The following FNBP1L variants were observed in gnomAD, a reference collection of about 807,000 sequenced individuals.
The protein encoded by FNBP1L is formin-binding protein 1-like.
A neutral mutation model predicts 91.2 loss-of-function variants in FNBP1L; 36 were observed. The observed-to-expected ratio is 0.39, with a 90% CI of 0.30 to 0.52. The LOEUF is 0.52. Ranked by LOEUF, FNBP1L falls within the 20% of genes least tolerant of loss-of-function variation. The pLI, the probability that FNBP1L is intolerant of heterozygous loss-of-function variation, is 0.66. For missense variants in FNBP1L, 571 were observed against 732.1 expected (o/e 0.78, Z 2.54); for synonymous variants, 242 against 237.0 (o/e 1.02, Z -0.19).
At chr1:93,478,189 G>A (rs1669561955) in intron 1 of FNBP1L, among the ~76,000 whole-genome samples, 1 of 152,204 alleles carries the variant, frequency 6.6e-6, no homozygotes, top group Admixed American at 6.5e-5. Context: ...ATTGAAGTGA[G>A]GCTCAGCATG....
At chr1:93,523,913 G>A (rs1310017879) in intron 4 of FNBP1L, among the ~76,000 whole-genome samples, 1 of 152,178 alleles carries the variant, frequency 6.6e-6, no homozygotes, top group Non-Finnish European at 1.5e-5. Context: ...GCAGAGTTGA[G>A]TGTCACAGAG....
At chr1:93,515,526 T>C (rs371686392) in intron 2 of FNBP1L, among the ~76,000 whole-genome samples, 9 of 152,146 alleles carry the variant, frequency 5.9e-5, no homozygotes, top group African/African-American at 2.2e-4. Context: ...AAATGTCCAA[T>C]AATGATAGAC....
At chr1:93,485,799 C>T (rs749533625) in intron 1 of FNBP1L, among the ~76,000 whole-genome samples, 5 of 152,152 alleles carry the variant, frequency 3.3e-5, no homozygotes, top group Non-Finnish European at 5.9e-5. Context: ...CGGGTTCAAA[C>T]GATTCTCCTG....
chr1:93,496,941 C>A (rs1438632712), intron 1 of FNBP1L, among the ~76,000 whole-genome samples: 1 of 152,180 alleles, frequency 6.6e-6, no homozygotes, highest in African/African-American at 2.4e-5. Context: ...TAAAATTAAT[C>A]ATCACAATTA....
intron 2 of FNBP1L, among the ~76,000 whole-genome samples, chr1:93,516,607 G>C (rs1428855759): frequency 1.3e-5 from 2 of 151,984 alleles, no homozygotes; most frequent in Non-Finnish European, 2.9e-5. Flanking sequence ...GTTTGAGATC[G>C]GCCTGACTGA....
chr1:93,515,517 A>G (rs539660688), intron 2 of FNBP1L, among the ~76,000 whole-genome samples: 17 of 152,240 alleles, frequency 1.1e-4, no homozygotes, highest in Non-Finnish European at 1.9e-4. Context: ...AACCAACCCA[A>G]ATGTCCAATA....
chr1:93,479,054 A>C (rs1669597014), intron 1 of FNBP1L, among the ~76,000 whole-genome samples: 1 of 152,224 alleles, frequency 6.6e-6, no homozygotes, highest in Non-Finnish European at 1.5e-5. Context: ...CCAATATTTC[A>C]ACGTAGGTTC....
chr1:93,541,864 A>G (rs373468448), intron 11 of FNBP1L, among the ~76,000 whole-genome samples: 6 of 152,288 alleles, frequency 3.9e-5, no homozygotes, highest in South Asian at 2.1e-4. Context: ...TAGAGTTCCA[A>G]TGTCAAATGG....
At chr1:93,523,226 A>G (rs754736509) in intron 3 of FNBP1L, 118 bp from the exon 4 acceptor site, 23 of 951,390 alleles carry the variant, frequency 2.4e-5, no homozygotes, top group Non-Finnish European at 3.3e-5. Flanking sequence ...TAGAACTAGT[A>G]GCTGAGATTT....
At chr1:93,508,745 C>T (rs916557233) in intron 2 of FNBP1L, among the ~76,000 whole-genome samples, 1 of 152,044 alleles carries the variant, frequency 6.6e-6, no homozygotes, top group Admixed American at 6.6e-5. Context: ...CTATGGTTAC[C>T]CTCTGTAGTA....
At chr1:93,513,462 A>C (rs1047366773) in intron 2 of FNBP1L, among the ~76,000 whole-genome samples, 2 of 152,182 alleles carry the variant, frequency 1.3e-5, no homozygotes, top group East Asian at 3.9e-4. Flanking sequence ...CAGAGACACA[A>C]CCAGAAAAGA....
chr1:93,531,987 A>G (rs1671691968), intron 7 of FNBP1L, among the ~76,000 whole-genome samples: 1 of 152,168 alleles, frequency 6.6e-6, no homozygotes, highest in Non-Finnish European at 1.5e-5. Context: ...GGCATGTGCC[A>G]GTGAATTTTC....
intron 13 of FNBP1L, 29 bp downstream of exon 13, chr1:93,547,003 A>T (rs761938346): frequency 1.3e-6 from 2 of 1,586,840 alleles, no homozygotes; most frequent in Non-Finnish European, 8.6e-7. Flanking sequence ...ACTTGTCAAG[A>T]TAAATTATTT....
At chr1:93,540,528 C>T (rs1169166418) in intron 10 of FNBP1L, among the ~76,000 whole-genome samples, 15 of 151,676 alleles carry the variant, frequency 9.9e-5, no homozygotes, top group Admixed American at 9.9e-4. Context: ...AAAATGTTAC[C>T]CTCATCTAAC....
chr1:93,518,800 A>G (rs970976655), intron 2 of FNBP1L, among the ~76,000 whole-genome samples: 5 of 152,184 alleles, frequency 3.3e-5, no homozygotes, highest in African/African-American at 2.4e-5. Flanking sequence ...AACCATAACC[A>G]CAATTGAATT....
At chr1:93,516,840 C>T (rs1671138639) in intron 2 of FNBP1L, among the ~76,000 whole-genome samples, 1 of 152,094 alleles carries the variant, frequency 6.6e-6, no homozygotes, top group African/African-American at 2.4e-5. Flanking sequence ...AAAGTAATTT[C>T]TAGAAAACAA....
Position 93,532,999 on chromosome 1 carries a change from A to C in FNBP1L, c.717A>C (p.Lys239Asn). ...GAGGATTTGCTGACTCAGAACGCAAAGTTATTCCCATCATTTCAAAATGTT... is the reference window on the plus strand; with the variant it reads ...GAGGATTTGCTGACTCAGAACGCAACGTTATTCCCATCATTTCAAAATGTT... The part of the protein sequence containing the change: ...CYRGFADSER[K>N]VIPIISKCLE... The change falls in exon 8 of 17, where the codon AAA becomes AAC. Residue 239 changes from lysine (K) to asparagine (N), a missense_variant. This residue lies in a region of FNBP1L where 220 missense variants were observed against 313.6 expected (regional missense o/e 0.70). Coordinates refer to ENST00000271234, the MANE Select transcript of FNBP1L (RefSeq NM_001164473.3). 6.2e-7 allele frequency: 1 copy of C among 1,613,614 alleles called. No individual in the cohort carries two copies. The highest frequency in any genetic ancestry group is 8.5e-7 in the Non-Finnish European group (1 of 1,179,670).
intron 1 of FNBP1L, among the ~76,000 whole-genome samples, chr1:93,463,965 A>G (rs1318445265): frequency 3.9e-5 from 6 of 152,214 alleles, no homozygotes; most frequent in Admixed American, 2.0e-4. Context: ...TGACAAGTGC[A>G]TAATGCCATG....
intron 2 of FNBP1L, among the ~76,000 whole-genome samples, chr1:93,521,021 G>C (rs142989195): frequency 1.3e-5 from 2 of 150,728 alleles, no homozygotes; most frequent in East Asian, 3.9e-4. Flanking sequence ...CAGCCTGGGC[G>C]ACACAGTGAG....
Sources: gnomAD v4.1 joint callset for allele counts (sites outside exome capture counted in the v4.1 genomes callset) on GRCh38, gnomAD v4.1.1 for gene constraint, gnomAD v4.1.1 regional missense constraint, MANE v1.5 for transcripts, NCBI Gene and HGNC (gene_info 2026-07-23, HGNC 2026-07-21) for gene names.